The following ADAMTS10 variants were observed in gnomAD, a reference collection of about 807,000 sequenced individuals.
ADAMTS10 encodes A disintegrin and metalloproteinase with thrombospondin motifs 10.
Under a neutral mutation model 135.9 loss-of-function variants are expected in ADAMTS10, and 48 were observed. The observed-to-expected ratio is 0.35, with a 90% CI of 0.28 to 0.45. The LOEUF (loss-of-function observed/expected upper bound fraction) is 0.45, where lower values mean the gene tolerates loss of function less well. Among genes scored for constraint, ADAMTS10 ranks in the 20% least tolerant of loss-of-function variants. ADAMTS10 has a pLI of 1.00. For missense variants in ADAMTS10, 1,131 were observed against 1,565.2 expected (o/e 0.72, Z 4.68); for synonymous variants, 621 against 647.5 (o/e 0.96, Z 0.62).
At chr19:8,587,862 T>C (rs919133538) in intron 18 of ADAMTS10, among the ~76,000 whole-genome samples, 61 of 136,074 alleles carry the variant, frequency 4.5e-4, no homozygotes, top group African/African-American at 1.7e-3. Context: ...ACCTGGTAGG[T>C]GGAGCTTGCA....
At chr19:8,602,396 G>GC (rs1480387843) in intron 5 of ADAMTS10, among the ~76,000 whole-genome samples, 1 of 152,106 alleles carries the variant, frequency 6.6e-6, no homozygotes, top group Non-Finnish European at 1.5e-5. Context: ...TCAACTCACC[G>GC]CAACCTCTAC....
chr19:8,593,051 T>C lies in ADAMTS10; in HGVS notation c.1480-181A>G, dbSNP rs1268483332. ...CCCTTGCGGGGCATGGCCTGTGACT[T>C]ATACTCTCCCAATAAGCTCCATTTA... On this transcript the variant is annotated intron_variant, in intron 12 of 25. Coordinates refer to ENST00000597188, the MANE Select transcript of ADAMTS10 (RefSeq NM_030957.4). 10 of 651,254 alleles carry C rather than the reference T, an allele frequency of 1.5e-5. No individual in the cohort carries two copies. The East Asian group carries it at 2.7e-4, about 18-fold the overall frequency. 40.3% of individuals were successfully genotyped at this position (651,254 alleles called of 1,614,324 possible). A position where few individuals can be genotyped will look rare whatever the true frequency, so the allele number is the denominator to read the frequency against.
At position 8,585,579 on chromosome 19, in the gene ADAMTS10, G is replaced by C; in HGVS notation, c.2742C>G (p.Arg914=). The part of the protein sequence containing the change: ...VRSRSVVCQR[R]VSAAEEKALD... Reference sequence around the variant, plus strand: ...GCGCCTTCTCCTCCGCGGCAGAGACGCGGCGCTGGCACACGACCGAGCGGC... The same window carrying C: ...GCGCCTTCTCCTCCGCGGCAGAGACCCGGCGCTGGCACACGACCGAGCGGC... Residue 914 remains arginine, a synonymous_variant, in exon 23 of 26, where the codon CGC becomes CGG. Coordinates refer to ENST00000597188, the MANE Select transcript of ADAMTS10 (RefSeq NM_030957.4). 6.2e-7 allele frequency: 1 copy of C among 1,607,550 alleles called. No individual in the cohort carries two copies. The highest frequency in any genetic ancestry group is 8.5e-7 in the Non-Finnish European group (1 of 1,177,584).
intron 12 of ADAMTS10, 59 bp downstream of exon 12, chr19:8,595,702 TC>T: frequency 4.5e-6 from 4 of 894,222 alleles, no homozygotes; most frequent in Non-Finnish European, 5.0e-6. Context: ...TGGAGTTCCC[TC>T]CCCCAGCCCC....
At position 8,585,548 on chromosome 19, in the gene ADAMTS10, C is replaced by T. The variant is rs782408737; in HGVS notation, c.2773G>A (p.Asp925Asn). 141 of 1,587,524 alleles carry T rather than the reference C, an allele frequency of 8.9e-5. No individual in the cohort carries two copies. Among genetic ancestry groups the T allele is most frequent in the Non-Finnish European group, 1.2e-4 (135 of 1,167,836 alleles). Residue 925 changes from aspartate (D) to asparagine (N), a missense_variant, in exon 23 of 26, where the codon GAC becomes AAC. Physicochemically the swap from Asp to Asn is conservative, Grantham distance 23 (BLOSUM62 1). This residue lies in a region of ADAMTS10 where 745 missense variants were observed against 1,056.3 expected (regional missense o/e 0.71). Transcript: ENST00000597188. ...GGGCGCGGCTGCGGGCATGCGCTGT[C>T]GTCCAGCGCCTTCTCCTCCGCGGCA... ...VSAAEEKALD[D>N]SACPQPRPPV...
chr19:8,585,342 G>A (rs1555736719), intron 23 of ADAMTS10, 34 bp from the exon 24 acceptor site: 2 of 1,533,950 alleles, frequency 1.3e-6, no homozygotes, highest in East Asian at 4.9e-5. Flanking sequence ...TGCTCAGGGT[G>A]CTGCCCCAGT....
In ADAMTS10 at chr19:8,601,125, G is replaced by A. The variant is rs147270233; in HGVS notation, c.613C>T (p.Arg205Trp). Residue 205 changes from arginine to tryptophan, a missense_variant, in exon 6 of 26, where the codon CGG becomes TGG. Transcript: ENST00000597188. The surrounding 1 kb of genome is among the most constrained non-coding windows in gnomAD (Gnocchi z 4.6). ...GVRDEKPWKGRPWWLRTLKPP... is the reference protein window; with the variant it reads ...GVRDEKPWKGWPWWLRTLKPP... ...TTCAAGGTCCGCAGCCACCATGGCC[G>A]CCCTTTCCACGGTTTCTCATCTGGG... The A allele has an allele frequency of 1.2e-4, 186 of 1,613,574 alleles. No individual in the cohort carries two copies. The highest frequency in any genetic ancestry group is 1.3e-4 in the Non-Finnish European group (159 of 1,180,028).
intron 2 of ADAMTS10, among the ~76,000 whole-genome samples, chr19:8,606,815 C>T (rs2042727041): frequency 6.6e-6 from 1 of 152,180 alleles, no homozygotes; most frequent in African/African-American, 2.4e-5. Context: ...ATAGCAACCC[C>T]TACTTGCCCT....
rs1038876815 is a variant in ADAMTS10, at chr19:8,605,532, C to A, written c.88+91G>T. The A allele has an allele frequency of 4.9e-6, 7 of 1,438,418 alleles. No homozygotes were observed. Among genetic ancestry groups the A allele is most frequent in the Middle Eastern group, 1.8e-4 (1 of 5,658 alleles). The allele number at this position is 1,438,418 out of a possible 1,614,324, so 89.1% of individuals were successfully genotyped here. Reference sequence around the variant, plus strand: ...AGGGCCTTCCCCCATTGACCCCCATCCCAGCCCCCTGATGCCTCTTTCTGT... The same window carrying A: ...AGGGCCTTCCCCCATTGACCCCCATACCAGCCCCCTGATGCCTCTTTCTGT... On this transcript the variant is annotated intron_variant, in intron 3 of 25. Transcript: ENST00000597188. The surrounding 1 kb of genome is among the most constrained non-coding windows in gnomAD (Gnocchi z 7.7).
chr19:8,604,001 CTTTTTTTT>C, intron 4 of ADAMTS10, 117 bp from the exon 5 acceptor site: 7 of 824,260 alleles, frequency 8.5e-6, no homozygotes, highest in South Asian at 2.7e-5. Flanking sequence ...TTTGCTATTT[CTTTTTTTT>C]TTTTTGGCAT....
Position 8,609,962 on chromosome 19 carries a change from AAC to A in ADAMTS10, c.-215+680_-215+681del, listed in dbSNP as rs527724443. On this transcript the variant is annotated intron_variant, in intron 1 of 25. Coordinates refer to ENST00000597188, the MANE Select transcript of ADAMTS10 (RefSeq NM_030957.4). ...AACCACACACTCCCAGACATGTGTA[AAC>A]ACACACTCATTTACACGCGCACACA... 2.0e-3 allele frequency among the ~76,000 whole-genome samples: 299 copies of A among 152,094 alleles called. 1 individual carries two copies. The highest frequency in any genetic ancestry group is 6.8e-3 in the African/African-American group (283 of 41,490).
At chr19:8,594,584 G>A (rs1361547862) in intron 12 of ADAMTS10, among the ~76,000 whole-genome samples, 1 of 152,076 alleles carries the variant, frequency 6.6e-6, no homozygotes, top group East Asian at 1.9e-4. Flanking sequence ...AAAATTTAGA[G>A]AGTCATGAGA....
chr19:8,606,024 T>C (rs558057732), intron 2 of ADAMTS10, among the ~76,000 whole-genome samples: 1 of 152,252 alleles, frequency 6.6e-6, no homozygotes, highest in African/African-American at 2.4e-5. Context: ...GTATCTCCTA[T>C]GTGCCAGCTA....
At position 8,596,198 on chromosome 19, in the gene ADAMTS10, G is replaced by A. The variant is rs1555740123; in HGVS notation, c.1212C>T (p.Gly404=). Residue 404 remains glycine (G), a synonymous_variant, in exon 11 of 26, where the codon GGC becomes GGT. Coordinates refer to ENST00000597188, the MANE Select transcript of ADAMTS10 (RefSeq NM_030957.4). The surrounding 1 kb of genome is among the most constrained non-coding windows in gnomAD (Gnocchi z 7.2). ...IGHTFGMNHD[G]VGNSCGARGQ... ...CACGGGCCCCACAGCTGTTTCCCACGCCGTCATGGTTCATGCCGAATCTGG... is the reference window on the plus strand; with the variant it reads ...CACGGGCCCCACAGCTGTTTCCCACACCGTCATGGTTCATGCCGAATCTGG... The A allele has an allele frequency of 1.5e-5, 24 of 1,613,854 alleles. No homozygotes were observed. Among genetic ancestry groups the A allele is most frequent in the Admixed American group, 3.3e-5 (2 of 59,990 alleles).
chr19:8,600,485 T>C (rs1275204729), intron 6 of ADAMTS10, among the ~76,000 whole-genome samples: 14 of 139,300 alleles, frequency 1.0e-4, no homozygotes, highest in South Asian at 9.6e-4. Context: ...TTCTGTCTTT[T>C]CTTTTCTTTC....
chr19:8,581,143 T>A, intron 25 of ADAMTS10, 141 bp from the exon 26 acceptor site: 1 of 422,822 alleles, frequency 2.4e-6, no homozygotes, highest in Non-Finnish European at 4.0e-6. Context: ...TTTTTTTTTT[T>A]TTTTTTTTTT....
At chr19:8,588,429 A>G (rs542435193) in intron 18 of ADAMTS10, among the ~76,000 whole-genome samples, 41 of 151,802 alleles carry the variant, frequency 2.7e-4, no homozygotes, top group African/African-American at 8.9e-4. Context: ...TAAAACCCCA[A>G]TGGGACTCTA....
chr19:8,588,432 G>A (rs1476906147), intron 18 of ADAMTS10, among the ~76,000 whole-genome samples: 1 of 151,680 alleles, frequency 6.6e-6, no homozygotes, highest in Non-Finnish European at 1.5e-5. Flanking sequence ...AACCCCAATG[G>A]GACTCTACCT....
rs1245015166 is a variant in ADAMTS10 at position 8,585,535 on chromosome 19, G to A, written c.2786C>T (p.Pro929Leu). 2 of 1,572,482 alleles carry A rather than the reference G, an allele frequency of 1.3e-6. No individual in the cohort carries two copies. Among genetic ancestry groups the A allele is most frequent in the South Asian group, 1.1e-5 (1 of 87,126 alleles). Residue 929 changes from proline (P) to leucine (L), a missense_variant, in exon 23 of 26, where the codon CCG (proline) becomes CTG (leucine). Physicochemically the swap from Pro to Leu is moderately conservative, Grantham distance 98. Around this residue, in one of 3 missense-constraint regions of ADAMTS10, gnomAD observed 745 missense variants for 1,056.3 expected, o/e 0.71. Coordinates refer to ENST00000597188, the MANE Select transcript of ADAMTS10 (RefSeq NM_030957.4). The part of the protein sequence containing the change: ...EEKALDDSAC[P>L]QPRPPVLEAC... ...CTCCAGTACAGGTGGGCGCGGCTGCGGGCATGCGCTGTCGTCCAGCGCCTT... is the reference window on the plus strand; with the variant it reads ...CTCCAGTACAGGTGGGCGCGGCTGCAGGCATGCGCTGTCGTCCAGCGCCTT...
Sources: gnomAD v4.1 joint callset for allele counts (sites outside exome capture counted in the v4.1 genomes callset) on GRCh38, gnomAD v4.1.1 for gene constraint, gnomAD v4.1.1 regional missense constraint, Gnocchi (gnomAD v3.1) non-coding constraint, MANE v1.5 for transcripts, NCBI Gene and HGNC (gene_info 2026-07-23, HGNC 2026-07-21) for gene names.